IFNLR1: variants seen among roughly 807,000 people sequenced by gnomAD.
IFNLR1 encodes the protein CRF2-12.
Under a neutral mutation model 52.5 loss-of-function variants are expected in IFNLR1, and 28 were observed. That is an observed-to-expected ratio of 0.53 (90% confidence interval 0.40 to 0.73). IFNLR1 has a LOEUF of 0.73. Ranked by LOEUF, IFNLR1 falls within the 30% of genes least tolerant of loss-of-function variation. IFNLR1 has a pLI of 0.00. For missense variants in IFNLR1, 623 were observed against 659.1 expected (o/e 0.95, Z 0.60); for synonymous variants, 276 against 274.9 (o/e 1.00, Z -0.04).
rs191585126 is a variant in IFNLR1, at chr1:24,173,966, C to T, written c.183-4365G>A. 1.3e-4 allele frequency among the ~76,000 whole-genome samples: 20 copies of T among 152,160 alleles called. No homozygotes were observed. In the East Asian group the frequency reaches 1.9e-3, roughly 15 times the overall value. The stretch of plus-strand genomic sequence containing the variant: ...TAATTCATAATAGCCCTATTATGGA[C>T]GAATTGAGTTCCCCCAAAATTCATA... On this transcript the variant is annotated intron_variant, in intron 2 of 6. Coordinates refer to ENST00000327535, the MANE Select transcript of IFNLR1 (RefSeq NM_170743.4).
chr1:24,171,876 A>G (rs7522063), intron 2 of IFNLR1, among the ~76,000 whole-genome samples: 151,818 of 152,222 alleles, frequency 1, 75,708 homozygotes, highest in South Asian at 1. Flanking sequence ...GGCTGGTCTC[A>G]AACTCCTGAC....
intron 2 of IFNLR1, among the ~76,000 whole-genome samples, chr1:24,169,929 C>A (rs1030699657): frequency 4.6e-5 from 7 of 152,186 alleles, no homozygotes; most frequent in Non-Finnish European, 7.3e-5. Flanking sequence ...CTAGTACTAG[C>A]GACCATTACT....
Position 24,161,609 on chromosome 1 carries a change from G to A in IFNLR1, c.443C>T (p.Pro148Leu), listed in dbSNP as rs780953051. Residue 148 changes from proline (P) to leucine (L), a missense_variant, in exon 4 of 7, where the codon CCC (proline) becomes CTC (leucine). Coordinates refer to ENST00000327535, the MANE Select transcript of IFNLR1 (RefSeq NM_170743.4). ...ILSANATYQL[P>L]PCMPPLDLKY... is the part of the protein sequence containing the mutation. ...CAGATCCAGTGGGGGCATGCAGGGG[G>A]GCAGCTGGTACGTGGCATTGGCACT... 1.2e-5 allele frequency: 19 copies of A among 1,553,874 alleles called. 1 individual carries two copies. The South Asian group carries it at 1.7e-4, about 14-fold the overall frequency.
intron 1 of IFNLR1, among the ~76,000 whole-genome samples, chr1:24,182,769 A>C (rs968651419): frequency 6.6e-6 from 1 of 151,856 alleles, no homozygotes; most frequent in Non-Finnish European, 1.5e-5. Flanking sequence ...AAAACACAAA[A>C]ATTAGCCAGG....
chr1:24,158,293 G>A (rs909547475), intron 6 of IFNLR1, among the ~76,000 whole-genome samples: 1 of 152,258 alleles, frequency 6.6e-6, no homozygotes, highest in Non-Finnish European at 1.5e-5. Flanking sequence ...CCCATTGGGT[G>A]CAGGCGCTGG....
chr1:24,174,382 T>C (rs1421140173), intron 2 of IFNLR1, among the ~76,000 whole-genome samples: 2 of 152,176 alleles, frequency 1.3e-5, no homozygotes, highest in African/African-American at 4.8e-5. Flanking sequence ...TACCTAAAAA[T>C]GTGGAAGTGG....
intron 1 of IFNLR1, 150 bp downstream of exon 1, chr1:24,187,041 A>G: frequency 2.3e-6 from 1 of 440,368 alleles, no homozygotes; most frequent in Non-Finnish European, 4.0e-6. Context: ...GGGAAGAAGC[A>G]AACTGGGGGC....
At chr1:24,172,622 C>T (rs926171312) in intron 2 of IFNLR1, among the ~76,000 whole-genome samples, 1 of 152,050 alleles carries the variant, frequency 6.6e-6, no homozygotes, top group East Asian at 1.9e-4. Context: ...ATAGAACTTC[C>T]AGAAGAAAGC....
chr1:24,169,517 T>G lies in IFNLR1; in HGVS notation c.267A>C (p.Lys89Asn). ...ELLCSMMCLK[K>N]QDLYNKFKGR... is the part of the protein sequence containing the mutation. ...CCTTGAACTTGTTGTACAGGTCCTG[T>G]TTCTTCAGGCACATCATAGAACATA... The change falls in exon 3 of 7, where the codon AAA becomes AAC. Residue 89 changes from lysine (K) to asparagine (N), a missense_variant. Coordinates refer to ENST00000327535, the MANE Select transcript of IFNLR1 (RefSeq NM_170743.4). The G allele has an allele frequency of 6.2e-7, 1 of 1,614,174 alleles. No homozygotes were observed. Among genetic ancestry groups the G allele is most frequent in the Non-Finnish European group, 8.5e-7 (1 of 1,180,028 alleles).
Position 24,180,742 on chromosome 1 carries a change from C to A in IFNLR1, c.171G>T (p.Val57=), listed in dbSNP as rs778183651. The change falls in exon 2 of 7, where the codon GTG becomes GTT. Residue 57 remains valine (V), a synonymous_variant. Transcript: ENST00000327535. ...AGAGTCCCCTCTACCTCTGATAGGC[C>A]ACAAAATAGGTCACATCCTGGGGGT... is the stretch of plus-strand genomic sequence containing the variant. ...LGNPQDVTYF[V]AYQSSPTRRR... 1.9e-6 allele frequency: 3 copies of A among 1,612,894 alleles called. No individual in the cohort carries two copies. The highest frequency in any genetic ancestry group is 2.5e-6 in the Non-Finnish European group (3 of 1,179,490).
intron 1 of IFNLR1, among the ~76,000 whole-genome samples, chr1:24,183,902 G>A (rs1457936325): frequency 6.6e-6 from 1 of 152,100 alleles, no homozygotes; most frequent in Non-Finnish European, 1.5e-5. Context: ...GCTAATTTTT[G>A]TATTTTTAGT....
chr1:24,180,820 C>T lies in IFNLR1; in HGVS notation c.93G>A (p.Thr31=), dbSNP rs200988201. 567 of 1,613,876 alleles carry T rather than the reference C, an allele frequency of 3.5e-4. No homozygotes were observed. In the East Asian group the frequency reaches 7.1e-3, roughly 20 times the overall value. The change falls in exon 2 of 7, where the codon ACG becomes ACA. Residue 31 remains threonine (T), a synonymous_variant. Transcript: ENST00000327535. ...ACACGCTGAAGTTCTGGGAGAGCAG[C>T]GTCACATTCTGGGGAGGGGCCAGAC... ...RPRLAPPQNV[T]LLSQNFSVYL...
At chr1:24,179,006 T>C (rs1644662053) in intron 2 of IFNLR1, among the ~76,000 whole-genome samples, 1 of 152,034 alleles carries the variant, frequency 6.6e-6, no homozygotes, top group Non-Finnish European at 1.5e-5. Context: ...AGTGGTGTGA[T>C]CTCAGCTCAC....
chr1:24,169,526 G>C lies in IFNLR1; in HGVS notation c.258C>G (p.Cys86Trp). 2 of 1,614,146 alleles carry C rather than the reference G, an allele frequency of 1.2e-6. No homozygotes were observed. Among genetic ancestry groups the C allele is most frequent in the Non-Finnish European group, 1.7e-6 (2 of 1,180,022 alleles). Reference protein sequence around the residue: ...GTKELLCSMMCLKKQDLYNKF... With the variant: ...GTKELLCSMMWLKKQDLYNKF... ...TGTTGTACAGGTCCTGTTTCTTCAG[G>C]CACATCATAGAACATAGCAGCTCCT... The change falls in exon 3 of 7, where the codon TGC becomes TGG. Residue 86 changes from cysteine (C) to tryptophan (W), a missense_variant. Transcript: ENST00000327535.
At chr1:24,160,791 CG>C (rs1243534176) in intron 4 of IFNLR1, among the ~76,000 whole-genome samples, 5 of 152,014 alleles carry the variant, frequency 3.3e-5, no homozygotes, top group African/African-American at 1.2e-4. Flanking sequence ...TGCAGTGGTG[CG>C]ATCATGGCTC....
rs942181215 is a variant in IFNLR1, at chr1:24,154,545, T to C, written c.*2585A>G. 2 of 152,202 alleles carry C rather than the reference T, an allele frequency of 1.3e-5. No individual in the cohort carries two copies. The highest frequency in any genetic ancestry group is 2.4e-5 in the African/African-American group (1 of 41,450). 9.4% of individuals were successfully genotyped at this position (152,202 alleles called of 1,614,324 possible). On this transcript the variant is annotated 3_prime_UTR_variant, in exon 7 of 7. Coordinates refer to ENST00000327535, the MANE Select transcript of IFNLR1 (RefSeq NM_170743.4). Reference sequence around the variant, plus strand: ...TTAATGACGATAAAGGAGATGGAGTTTAGAGTTACTGGAAAACTTAAGCTA... The same window carrying C: ...TTAATGACGATAAAGGAGATGGAGTCTAGAGTTACTGGAAAACTTAAGCTA...
At chr1:24,161,719 G>C (rs770292506) in intron 3 of IFNLR1, 35 bp from the exon 4 acceptor site, 1 of 1,455,454 alleles carries the variant, frequency 6.9e-7, no homozygotes, top group South Asian at 1.5e-5. Context: ...CAGTAATCCC[G>C]AGGGGCCGCA....
rs1435905300 is a variant in IFNLR1, at chr1:24,154,495, C to T, written c.*2635G>A. On this transcript the variant is annotated 3_prime_UTR_variant, in exon 7 of 7. Transcript: ENST00000327535. ...CTGATTATCATGCCCTTTCCAAATG[C>T]TTCTCCTGGCTTTTTGTGAATGACT... The T allele has an allele frequency of 6.6e-6, 1 of 152,224 alleles. No individual in the cohort carries two copies. Among genetic ancestry groups the T allele is most frequent in the Non-Finnish European group, 1.5e-5 (1 of 68,046 alleles). The allele number at this position is 152,224 out of a possible 1,614,324, so 9.4% of individuals were successfully genotyped here.
intron 1 of IFNLR1, among the ~76,000 whole-genome samples, chr1:24,186,245 C>T (rs1212235944): frequency 2.6e-5 from 4 of 152,122 alleles, no homozygotes; most frequent in Non-Finnish European, 5.9e-5. Flanking sequence ...CACGTGCCTA[C>T]CCTGGAGGCA....
Sources: allele counts gnomAD v4.1 joint callset (sites outside exome capture counted in the v4.1 genomes callset), GRCh38; gene constraint gnomAD v4.1.1; transcripts MANE v1.5; gene names NCBI Gene and HGNC (gene_info 2026-07-23, HGNC 2026-07-21).